Variants in TMC1 observed in about 807,000 individuals in gnomAD.
TMC1 encodes the protein transmembrane channel-like protein 1.
In TMC1, 84 loss-of-function variants were observed where a neutral mutation model predicts 105.8. The observed-to-expected ratio is 0.79, with a 90% CI of 0.67 to 0.95. The LOEUF is 0.95. Among genes scored for constraint, TMC1 ranks in the 40% least tolerant of loss-of-function variants. The pLI, the probability that TMC1 is intolerant of heterozygous loss-of-function variation, is 0.00. For synonymous variants in TMC1, 315 were observed against 311.5 expected (o/e 1.01, Z -0.12); for missense variants, 817 against 914.1 (o/e 0.89, Z 1.37).
In TMC1 at chr9:72,826,877, A is replaced by C. The variant is rs1828965010; in HGVS notation, c.2012A>C (p.Asn671Thr). The change falls in exon 21 of 24, where the codon AAT (asparagine) becomes ACT (threonine). Residue 671 changes from asparagine to threonine, a missense_variant. Coordinates refer to ENST00000297784, the MANE Select transcript of TMC1 (RefSeq NM_138691.3). The part of the protein sequence containing the change: ...SFDCGPFSGK[N>T]RMFEVIGETL... Reference sequence around the variant, plus strand: ...CTTTTTAATTCCCCCAGTGGCAAAAATAGAATGTTTGAAGTCATTGGAGAG... The same window carrying C: ...CTTTTTAATTCCCCCAGTGGCAAAACTAGAATGTTTGAAGTCATTGGAGAG... 2.5e-6 allele frequency: 4 copies of C among 1,614,046 alleles called. No individual in the cohort carries two copies. Among genetic ancestry groups the C allele is most frequent in the Non-Finnish European group, 3.4e-6 (4 of 1,179,908 alleles).
chr9:72,609,179 C>CCCTTCCTTCCTT (rs60808924), intron 2 of TMC1, among the ~76,000 whole-genome samples: 10,588 of 136,014 alleles, frequency 0.078, 554 homozygotes, highest in African/African-American at 0.13. Flanking sequence ...CTTCCTCCTT[C>CCCTTCCTTCCTT]CCTTCCTTCC....
At chr9:72,561,335 A>AG (rs1824047102) in intron 1 of TMC1, among the ~76,000 whole-genome samples, 1 of 151,698 alleles carries the variant, frequency 6.6e-6, no homozygotes, top group Non-Finnish European at 1.5e-5. Context: ...AAAAAAAAAA[A>AG]AAAAAGAGAG....
rs562025647 is a variant in TMC1 at position 72,806,510 on chromosome 9, G to A, written c.1695+1000G>A. ...AGGCTCCTCATTTCTCAGACGGGGCGGCTGCCGGGCGGAGGGGCTCCTCAC... is the reference window on the plus strand; with the variant it reads ...AGGCTCCTCATTTCTCAGACGGGGCAGCTGCCGGGCGGAGGGGCTCCTCAC... On this transcript the variant is annotated intron_variant, in intron 18 of 23. Coordinates refer to ENST00000297784, the MANE Select transcript of TMC1 (RefSeq NM_138691.3). Among the ~76,000 whole-genome samples the A allele has an allele frequency of 6.3e-3, 943 of 149,506 alleles. 6 individuals are homozygous for A. Among genetic ancestry groups the A allele is most frequent in the Non-Finnish European group, 9.5e-3 (641 of 67,454 alleles).
At chr9:72,663,232 C>T (rs934756326) in intron 5 of TMC1, among the ~76,000 whole-genome samples, 4 of 152,004 alleles carry the variant, frequency 2.6e-5, no homozygotes, top group African/African-American at 7.3e-5. Context: ...TCCTGCTTAG[C>T]GGAGGTGTTA....
At chr9:72,607,985 G>A (rs10521449) in intron 2 of TMC1, 15,114 of 152,082 alleles carry the variant, frequency 0.099, 1,311 homozygotes, top group East Asian at 0.38. Context: ...TGGTCACTTC[G>A]GAGCATTTTA....
At position 72,789,330 on chromosome 9, in the gene TMC1, A is replaced by C. The variant is rs755939465; in HGVS notation, c.1224+13A>C. 6 of 1,611,376 alleles carry C rather than the reference A, an allele frequency of 3.7e-6. No homozygotes were observed. The highest frequency in any genetic ancestry group is 3.3e-5 in the Admixed American group (2 of 59,994). ...GGAAAAAAATGAAGTTCGTCTCTGC[A>C]TGCTTTTTATGTGCTTAGAACCTGA... On this transcript the variant is annotated intron_variant, in intron 15 of 23. Coordinates refer to ENST00000297784, the MANE Select transcript of TMC1 (RefSeq NM_138691.3).
intron 11 of TMC1, 34 bp from the exon 12 acceptor site, chr9:72,754,742 CTTTGTTTCTA>C (rs753990607): frequency 6.8e-7 from 1 of 1,477,936 alleles, no homozygotes; most frequent in Admixed American, 1.7e-5. Flanking sequence ...GTGGCTCAGA[CTTTGTTTCTA>C]ATTGTTCACT....
chr9:72,758,834 T>C (rs577585435), intron 12 of TMC1, among the ~76,000 whole-genome samples: 38 of 152,336 alleles, frequency 2.5e-4, no homozygotes, highest in African/African-American at 8.9e-4. Context: ...CCAAAATTAA[T>C]GTAGACTAAG....
chr9:72,696,863 A>C (rs1826559891), intron 7 of TMC1, among the ~76,000 whole-genome samples: 1 of 152,200 alleles, frequency 6.6e-6, no homozygotes, highest in African/African-American at 2.4e-5. Context: ...ATAGAAAACC[A>C]TTCTTGCACA....
At chr9:72,552,719 C>G (rs1416768242) in intron 1 of TMC1, among the ~76,000 whole-genome samples, 3 of 152,106 alleles carry the variant, frequency 2.0e-5, no homozygotes, top group South Asian at 2.1e-4. Flanking sequence ...ATTTGTGAAA[C>G]CAACCAGCTG....
At chr9:72,603,490 C>G (rs968914950) in intron 2 of TMC1, among the ~76,000 whole-genome samples, 1 of 152,040 alleles carries the variant, frequency 6.6e-6, no homozygotes, top group African/African-American at 2.4e-5. Context: ...TTTCTCTGTT[C>G]TGAAGGCTCA....
intron 1 of TMC1, among the ~76,000 whole-genome samples, chr9:72,571,506 G>A (rs1824284615): frequency 1.4e-5 from 2 of 147,702 alleles, no homozygotes; most frequent in African/African-American, 2.5e-5. Context: ...GGAGTGCAAT[G>A]GTGCAATCTT....
chr9:72,824,711 A>G (rs1160384547), intron 20 of TMC1, among the ~76,000 whole-genome samples: 1 of 152,214 alleles, frequency 6.6e-6, no homozygotes, highest in East Asian at 1.9e-4. Context: ...GTGTCACTCA[A>G]AGGTAGACAC....
intron 21 of TMC1, among the ~76,000 whole-genome samples, chr9:72,828,529 G>A (rs1206307870): frequency 3.9e-5 from 6 of 152,174 alleles, no homozygotes; most frequent in Non-Finnish European, 5.9e-5. Context: ...TTGTTCAAAT[G>A]CCTTAATCCA....
At chr9:72,647,308 TTAGTC>T (rs1050568334) in intron 4 of TMC1, among the ~76,000 whole-genome samples, 10 of 152,042 alleles carry the variant, frequency 6.6e-5, no homozygotes, top group African/African-American at 2.2e-4. Flanking sequence ...TTCAGTTTCT[TTAGTC>T]TTGTTTTCAT....
Position 72,820,878 on chromosome 9 carries a change from C to G in TMC1, c.1800C>G (p.Ile600Met). Residue 600 changes from isoleucine (I) to methionine (M), a missense_variant, in exon 20 of 24, where the codon ATC (isoleucine) becomes ATG (methionine). Physicochemically the swap from Ile to Met is conservative, Grantham distance 10. Transcript: ENST00000297784. ...TCTTTGCTCCCAGCCTCCCAGGCAT[C>G]AATATCCTTCGACTCCATACATCCA... ...GSFFAPSLPG[I>M]NILRLHTSMY... 6 of 1,614,164 alleles carry G rather than the reference C, an allele frequency of 3.7e-6. No individual in the cohort carries two copies. Among genetic ancestry groups the G allele is most frequent in the Non-Finnish European group, 5.1e-6 (6 of 1,180,030 alleles).
intron 10 of TMC1, among the ~76,000 whole-genome samples, chr9:72,750,544 T>C (rs1229290409): frequency 1.2e-5 from 1 of 84,498 alleles, no homozygotes; most frequent in African/African-American, 5.4e-5. Context: ...AAGAGGGTGC[T>C]TTTTTTTTCT....
chr9:72,637,326 A>G (rs1488599583), intron 4 of TMC1, among the ~76,000 whole-genome samples: 2 of 151,734 alleles, frequency 1.3e-5, no homozygotes, highest in African/African-American at 4.8e-5. Context: ...TTCACTTACC[A>G]AAACTCTCCT....
intron 20 of TMC1, 90 bp downstream of exon 20, chr9:72,821,171 C>A: frequency 6.3e-7 from 1 of 1,585,510 alleles, no homozygotes; most frequent in Non-Finnish European, 8.6e-7. Flanking sequence ...TATTTTTTCC[C>A]CCCAAACAAT....
Sources: gnomAD v4.1 joint callset for allele counts (sites outside exome capture counted in the v4.1 genomes callset) on GRCh38, gnomAD v4.1.1 for gene constraint, MANE v1.5 for transcripts, NCBI Gene and HGNC (gene_info 2026-07-23, HGNC 2026-07-21) for gene names.